The following POU6F2 variants were observed in gnomAD, a reference collection of about 807,000 sequenced individuals.
The protein encoded by POU6F2 is POU domain, class 6, transcription factor 2.
POU6F2 carries 31 observed loss-of-function variants against 71.3 expected under a neutral mutation model. The observed-to-expected ratio is 0.43, with a 90% CI of 0.33 to 0.59. The LOEUF is 0.59. Among genes scored for constraint, POU6F2 ranks in the 20% least tolerant of loss-of-function variants. The pLI is 0.04. For synonymous variants in POU6F2, 347 were observed against 355.7 expected (o/e 0.98, Z 0.27); for missense variants, 783 against 856.8 (o/e 0.91, Z 1.07).
At chr7:39,027,600 G>T (rs1372109384) in intron 1 of POU6F2, among the ~76,000 whole-genome samples, 1 of 152,184 alleles carries the variant, frequency 6.6e-6, no homozygotes, top group Non-Finnish European at 1.5e-5. Context: ...ATTTCAAGGA[G>T]TTCCGTGATT....
chr7:39,371,881 T>C (rs1407756418), intron 5 of POU6F2, among the ~76,000 whole-genome samples: 1 of 152,152 alleles, frequency 6.6e-6, no homozygotes. Flanking sequence ...GTTAAGGATA[T>C]TCTTTTTGTT....
chr7:39,019,455 G>C (rs1789629513), intron 1 of POU6F2, among the ~76,000 whole-genome samples: 1 of 151,940 alleles, frequency 6.6e-6, no homozygotes, highest in African/African-American at 2.4e-5. Flanking sequence ...ACGCCATATG[G>C]AATCTTTCAA....
chr7:39,357,803 C>T (rs961392477), intron 5 of POU6F2, among the ~76,000 whole-genome samples: 4 of 152,084 alleles, frequency 2.6e-5, no homozygotes, highest in Non-Finnish European at 4.4e-5. Flanking sequence ...GCAGGTGGCA[C>T]GGAGGGGAAG....
At chr7:39,272,564 T>C (rs1784360713) in intron 4 of POU6F2, among the ~76,000 whole-genome samples, 1 of 152,148 alleles carries the variant, frequency 6.6e-6, no homozygotes, top group Non-Finnish European at 1.5e-5. Flanking sequence ...GAGAAACCTT[T>C]TGTTGAGTTT....
At chr7:39,350,337 G>A (rs143554770) in intron 5 of POU6F2, among the ~76,000 whole-genome samples, 67 of 152,146 alleles carry the variant, frequency 4.4e-4, no homozygotes, top group African/African-American at 8.2e-4. Flanking sequence ...TTAGGGGTCC[G>A]GGGAGAAGAT....
At chr7:39,256,805 G>A (rs565092328) in intron 4 of POU6F2, among the ~76,000 whole-genome samples, 1 of 152,192 alleles carries the variant, frequency 6.6e-6, no homozygotes, top group Non-Finnish European at 1.5e-5. Flanking sequence ...AAAGAACATG[G>A]GCAGTCTAGA....
intron 4 of POU6F2, among the ~76,000 whole-genome samples, chr7:39,241,481 T>C (rs940428094): frequency 6.6e-6 from 1 of 152,128 alleles, no homozygotes; most frequent in Non-Finnish European, 1.5e-5. Flanking sequence ...GTCACTCGGA[T>C]AGTGGCACAT....
intron 4 of POU6F2, among the ~76,000 whole-genome samples, chr7:39,308,298 C>T (rs758526699): frequency 1.3e-5 from 2 of 152,152 alleles, no homozygotes; most frequent in South Asian, 2.1e-4. Flanking sequence ...GGTGGGGGCA[C>T]GGATGGGGAT....
Position 39,006,948 on chromosome 7 carries a change from G to A in POU6F2, c.105+28890G>A, listed in dbSNP as rs546410129. 1.7e-4 allele frequency: 244 copies of A among 1,396,422 alleles called. 2 individuals are homozygous for A. Among genetic ancestry groups the A allele is most frequent in the South Asian group, 1.4e-3 (117 of 85,122 alleles). The allele number at this position is 1,396,422 out of a possible 1,614,324, so 86.5% of individuals were successfully genotyped here. A position where few individuals can be genotyped will look rare whatever the true frequency, so the allele number is the denominator to read the frequency against. On this transcript the variant is annotated intron_variant, in intron 1 of 9. Transcript: ENST00000518318. Reference sequence around the variant, plus strand: ...ATCTGTGAGTTTATTGTATAAAATCGGAGGGAAATAATTGTCATGTTTCCT... The same window carrying A: ...ATCTGTGAGTTTATTGTATAAAATCAGAGGGAAATAATTGTCATGTTTCCT...
In POU6F2 at chr7:39,088,736, A is replaced by G. The variant is rs374236750; in HGVS notation, c.277+2705A>G. 1.2e-3 allele frequency among the ~76,000 whole-genome samples: 183 copies of G among 152,282 alleles called. 4 individuals are homozygous for G. In the South Asian group the frequency reaches 0.021, roughly 17 times the overall value. ...GAGAGACATTAACCAACAACAGGAG[A>G]CAAGCAGAGCTCAGGGTTTTTTTAT... On this transcript the variant is annotated intron_variant, in intron 2 of 9. Coordinates refer to ENST00000518318, the MANE Select transcript of POU6F2 (RefSeq NM_001370959.1).
intron 2 of POU6F2, among the ~76,000 whole-genome samples, chr7:39,168,462 C>A (rs373576944): frequency 6.2e-4 from 95 of 152,276 alleles, no homozygotes; most frequent in African/African-American, 2.2e-3. Context: ...AGGCGTTATT[C>A]CACATGCAGA....
rs371399096 is a variant in POU6F2 at position 39,416,519 on chromosome 7, T to A, written c.1113+9779T>A. On this transcript the variant is annotated intron_variant, in intron 6 of 9. Transcript: ENST00000518318. ...GTTGTCCCACACAGCACAGTGATGT[T>A]AGAATTGGTTGAGCTCCTAATGTGG... Among the ~76,000 whole-genome samples the A allele has an allele frequency of 4.0e-4, 61 of 152,310 alleles. 4 individuals are homozygous for A. In the East Asian group the frequency reaches 7.5e-3, roughly 19 times the overall value.
intron 2 of POU6F2, among the ~76,000 whole-genome samples, chr7:39,145,226 GAATT>G (rs1280197723): frequency 1.3e-5 from 2 of 152,098 alleles, no homozygotes; most frequent in Admixed American, 1.3e-4. Flanking sequence ...CATAAGTTAA[GAATT>G]AATAAGTTCA....
At chr7:39,172,867 C>T (rs147373781) in intron 2 of POU6F2, among the ~76,000 whole-genome samples, 1,956 of 152,126 alleles carry the variant, frequency 0.013, 24 homozygotes, top group Non-Finnish European at 0.019. Flanking sequence ...ATGATCCACC[C>T]GCCTCGGCCT....
chr7:39,086,085 A>G, intron 2 of POU6F2, 54 bp downstream of exon 2: 3 of 1,551,854 alleles, frequency 1.9e-6, no homozygotes, highest in East Asian at 2.3e-5. Context: ...CGGAAGAGCA[A>G]TCCAACCCCC....
intron 4 of POU6F2, among the ~76,000 whole-genome samples, chr7:39,279,301 G>A (rs80292608): frequency 4.7e-3 from 203 of 42,934 alleles, no homozygotes; most frequent in African/African-American, 8.9e-3. Context: ...GACCTTCCCA[G>A]GTGTCCTAAG....
At chr7:39,045,550 T>A (rs1396936978) in intron 1 of POU6F2, among the ~76,000 whole-genome samples, 2 of 151,958 alleles carry the variant, frequency 1.3e-5, no homozygotes, top group African/African-American at 2.4e-5. Context: ...AGCTTGTTTT[T>A]TTTTTTAATC....
intron 4 of POU6F2, among the ~76,000 whole-genome samples, chr7:39,219,496 A>C (rs1461668892): frequency 3.3e-5 from 5 of 152,150 alleles, no homozygotes; most frequent in African/African-American, 1.2e-4. Flanking sequence ...TGGCACCATT[A>C]TGTTTAGATC....
chr7:39,387,186 C>T (rs1350457127), intron 5 of POU6F2, among the ~76,000 whole-genome samples: 1 of 152,230 alleles, frequency 6.6e-6, no homozygotes, highest in Non-Finnish European at 1.5e-5. Context: ...TGGTTGTCTC[C>T]ATGACAAGAC....
Sources: gnomAD v4.1 joint callset for allele counts (sites outside exome capture counted in the v4.1 genomes callset) on GRCh38, gnomAD v4.1.1 for gene constraint, MANE v1.5 for transcripts, NCBI Gene and HGNC (gene_info 2026-07-23, HGNC 2026-07-21) for gene names.